The following FGGY variants were observed in gnomAD, a reference collection of about 807,000 sequenced individuals.
The protein encoded by FGGY is FGGY carbohydrate kinase domain-containing protein.
A neutral mutation model predicts 71.3 loss-of-function variants in FGGY; 72 were observed. That is an observed-to-expected ratio of 1.01 (90% CI 0.84 to 1.23). FGGY has a LOEUF of 1.23. FGGY is among the 50% of genes most tolerant of loss of function. FGGY has a pLI of 0.00. For synonymous variants in FGGY, 251 were observed against 250.3 expected (o/e 1.00, Z -0.02); for missense variants, 668 against 682.3 (o/e 0.98, Z 0.23).
At chr1:59,299,858 A>G (rs1215555386) in intron 1 of FGGY, among the ~76,000 whole-genome samples, 1 of 152,194 alleles carries the variant, frequency 6.6e-6, no homozygotes, top group Admixed American at 6.5e-5. Context: ...ATGGCAGAGC[A>G]GGAAATCGGA....
At chr1:59,699,256 G>A (rs2097689989) in intron 14 of FGGY, 2 of 984,962 alleles carry the variant, frequency 2.0e-6, no homozygotes, top group African/African-American at 3.5e-5. Flanking sequence ...TCTTCTTCTT[G>A]GGGTGAGCCT....
intron 10 of FGGY, among the ~76,000 whole-genome samples, chr1:59,635,365 A>C (rs2096947786): frequency 6.6e-6 from 1 of 152,170 alleles, no homozygotes; most frequent in Non-Finnish European, 1.5e-5. Context: ...TTAGTGCATG[A>C]GTGGCCATAT....
intron 8 of FGGY, among the ~76,000 whole-genome samples, chr1:59,572,258 C>T (rs1336501809): frequency 6.6e-6 from 1 of 152,028 alleles, no homozygotes; most frequent in African/African-American, 2.4e-5. Flanking sequence ...GGTAACTAAG[C>T]AGAGAGCCTG....
Position 59,667,389 on chromosome 1 carries a change from A to G in FGGY, c.1403A>G (p.His468Arg), listed in dbSNP as rs2097335535. Residue 468 changes from histidine (H) to arginine (R), a missense_variant, in exon 13 of 16, where the codon CAT becomes CGT. Physicochemically the swap from His to Arg is conservative, Grantham distance 29 (BLOSUM62 0). This residue lies in a region of FGGY where 661 missense variants were observed against 661.6 expected (regional missense o/e 1.00). Transcript: ENST00000303721. The part of the protein sequence containing the change: ...LSKNPLFVQM[H>R]ADITGMPVVL... ...AAGAATCCCCTTTTTGTGCAAATGC[A>G]TGCGGACATTACTGGTAAGTCTGGG... The G allele has an allele frequency of 6.2e-7, 1 of 1,614,156 alleles. No individual in the cohort carries two copies. Among genetic ancestry groups the G allele is most frequent in the Middle Eastern group, 1.6e-4 (1 of 6,062 alleles).
At chr1:59,733,111 G>A (rs1315821311) in intron 14 of FGGY, 1 of 153,496 alleles carries the variant, frequency 6.5e-6, no homozygotes, top group Non-Finnish European at 1.5e-5. Flanking sequence ...GAGCTCCCCT[G>A]GAATTCCCTG....
intron 2 of FGGY, among the ~76,000 whole-genome samples, chr1:59,322,793 G>A (rs771544339): frequency 3.9e-5 from 6 of 152,168 alleles, no homozygotes; most frequent in Non-Finnish European, 5.9e-5. Context: ...TTGATTTTAT[G>A]TCTTGGTGAT....
chr1:59,509,726 C>T (rs190043878), intron 6 of FGGY, among the ~76,000 whole-genome samples: 7 of 152,306 alleles, frequency 4.6e-5, no homozygotes, highest in Admixed American at 4.6e-4. Flanking sequence ...TGTCTGCATG[C>T]CCAGGACTCT....
At chr1:59,595,846 G>A (rs2096517289) in intron 8 of FGGY, among the ~76,000 whole-genome samples, 1 of 152,078 alleles carries the variant, frequency 6.6e-6, no homozygotes, top group Non-Finnish European at 1.5e-5. Context: ...CCAGATACAG[G>A]TTCATACCCT....
intron 11 of FGGY, among the ~76,000 whole-genome samples, chr1:59,651,327 G>C (rs1350382248): frequency 6.6e-6 from 1 of 151,148 alleles, no homozygotes; most frequent in Non-Finnish European, 1.5e-5. Flanking sequence ...CTGTCTCGTT[G>C]ATCTGTCTAA....
At chr1:59,632,170 A>G (rs932017666) in intron 10 of FGGY, among the ~76,000 whole-genome samples, 2 of 152,236 alleles carry the variant, frequency 1.3e-5, no homozygotes, top group Non-Finnish European at 2.9e-5. Flanking sequence ...ATACACACAC[A>G]TACATATATA....
At chr1:59,523,590 T>C (rs1254467066) in intron 7 of FGGY, among the ~76,000 whole-genome samples, 2 of 152,224 alleles carry the variant, frequency 1.3e-5, no homozygotes, top group African/African-American at 4.8e-5. Flanking sequence ...TATAGATATC[T>C]GGGGAAACTA....
At chr1:59,460,456 C>G (rs191040953) in intron 6 of FGGY, among the ~76,000 whole-genome samples, 1 of 152,324 alleles carries the variant, frequency 6.6e-6, no homozygotes, top group East Asian at 1.9e-4. Context: ...CCTCTGTAGA[C>G]CCCACCACTG....
intron 14 of FGGY, among the ~76,000 whole-genome samples, chr1:59,685,345 G>A (rs1031364838): frequency 6.6e-6 from 1 of 152,008 alleles, no homozygotes; most frequent in Non-Finnish European, 1.5e-5. Context: ...TTAGCCCTAG[G>A]ATGCAGTAGG....
At chr1:59,522,517 G>A (rs146435215) in intron 7 of FGGY, among the ~76,000 whole-genome samples, 1 of 152,226 alleles carries the variant, frequency 6.6e-6, no homozygotes, top group African/African-American at 2.4e-5. Flanking sequence ...AGGCTTATTA[G>A]ATCAGGGTAG....
At chr1:59,472,231 C>T (rs949047111) in intron 6 of FGGY, among the ~76,000 whole-genome samples, 7 of 152,168 alleles carry the variant, frequency 4.6e-5, no homozygotes, top group Non-Finnish European at 1.0e-4. Flanking sequence ...AGCGGTCGGC[C>T]GGCTCCACCG....
At chr1:59,632,223 T>G (rs926741276) in intron 10 of FGGY, among the ~76,000 whole-genome samples, 3 of 152,234 alleles carry the variant, frequency 2.0e-5, no homozygotes, top group Admixed American at 6.5e-5. Flanking sequence ...TATATACATA[T>G]ACACATATGC....
At chr1:59,687,155 T>C (rs2097549914) in intron 14 of FGGY, among the ~76,000 whole-genome samples, 1 of 152,176 alleles carries the variant, frequency 6.6e-6, no homozygotes, top group Non-Finnish European at 1.5e-5. Flanking sequence ...GGCTTGGCCA[T>C]TGGGAGGTAA....
chr1:59,735,159 A>G (rs1451767797), intron 14 of FGGY, among the ~76,000 whole-genome samples: 1 of 152,160 alleles, frequency 6.6e-6, no homozygotes, highest in Non-Finnish European at 1.5e-5. Flanking sequence ...GTTCACACAC[A>G]CATACGCACA....
chr1:59,553,260 G>T (rs1347703660), intron 7 of FGGY, among the ~76,000 whole-genome samples: 1 of 152,190 alleles, frequency 6.6e-6, no homozygotes, highest in African/African-American at 2.4e-5. Context: ...GCTTTGTGTT[G>T]TAGTCCTGCA....
Sources: gnomAD v4.1 joint callset for allele counts (sites outside exome capture counted in the v4.1 genomes callset) on GRCh38, gnomAD v4.1.1 for gene constraint, gnomAD v4.1.1 regional missense constraint, MANE v1.5 for transcripts, NCBI Gene and HGNC (gene_info 2026-07-23, HGNC 2026-07-21) for gene names.